Variants in CXCL13 observed in about 807,000 individuals in gnomAD.
CXCL13 encodes C-X-C motif chemokine ligand 13.
Under a neutral mutation model 12.2 loss-of-function variants are expected in CXCL13, and 7 were observed. The observed-to-expected ratio is 0.57, with a 90% CI of 0.33 to 1.07. CXCL13 has a LOEUF of 1.07. Among genes scored for constraint, CXCL13 ranks in the 50% least tolerant of loss-of-function variants. CXCL13 has a pLI of 0.04. For missense variants in CXCL13, 113 were observed against 127.4 expected, an observed-to-expected ratio of 0.89 and a Z score of 0.55; for synonymous variants, 47 against 42.4, an observed-to-expected ratio of 1.11 and a Z score of -0.42.
chr4:77,534,921 C>G (rs976998010), intron 1 of CXCL13, among the ~76,000 whole-genome samples: 2 of 152,194 alleles, frequency 1.3e-5, no homozygotes, highest in African/African-American at 4.8e-5. Context: ...TTTATGGAAA[C>G]AGCAGTAACT....
intron 1 of CXCL13, among the ~76,000 whole-genome samples, chr4:77,544,902 C>T (rs1354645215): frequency 6.6e-6 from 1 of 152,144 alleles, no homozygotes; most frequent in African/African-American, 2.4e-5. Flanking sequence ...AGTCTTTAAT[C>T]CATCTTGAAT....
In CXCL13 at chr4:77,531,610, T is replaced by C. The variant is rs1260007918; in HGVS notation, c.-43+19822T>C. Among the ~76,000 whole-genome samples the C allele has an allele frequency of 2.0e-5, 3 of 152,100 alleles. No individual in the cohort carries two copies. The East Asian group carries it at 5.8e-4, about 29-fold the overall frequency. ...AATTCCTGGATATCCTTGTTAACTT[T>C]CTGTCTCATTGATCTGTCTAATGGT... On this transcript the variant is annotated intron_variant, in intron 1 of 4. Coordinates refer to the CXCL13 transcript ENST00000286758.
At chr4:77,563,120 C>G (rs1047683699) in intron 1 of CXCL13, among the ~76,000 whole-genome samples, 1 of 152,072 alleles carries the variant, frequency 6.6e-6, no homozygotes, top group Admixed American at 6.6e-5. Context: ...GACTAGAAAC[C>G]CACCAGAAGG....
At chr4:77,525,691 G>A (rs1724745387) in intron 1 of CXCL13, among the ~76,000 whole-genome samples, 1 of 152,028 alleles carries the variant, frequency 6.6e-6, no homozygotes, top group African/African-American at 2.4e-5. Flanking sequence ...GAATGACTAA[G>A]TTAAACCTCT....
chr4:77,582,813 C>CA (rs1726371201), intron 1 of CXCL13, among the ~76,000 whole-genome samples: 1 of 152,142 alleles, frequency 6.6e-6, no homozygotes, highest in Non-Finnish European at 1.5e-5. Flanking sequence ...AAGTTATTGA[C>CA]AGAGGGTAGG....
intron 1 of CXCL13, among the ~76,000 whole-genome samples, chr4:77,529,149 G>A (rs1387538763): frequency 1.3e-5 from 2 of 152,088 alleles, no homozygotes; most frequent in African/African-American, 4.8e-5. Flanking sequence ...TCTCTGTTTT[G>A]GTAATAGTAC....
chr4:77,530,681 A>G (rs13131580), intron 1 of CXCL13, among the ~76,000 whole-genome samples: 2 of 151,618 alleles, frequency 1.3e-5, no homozygotes, highest in Non-Finnish European at 2.9e-5. Flanking sequence ...CTTTATTAGT[A>G]TTGCTAATGG....
At chr4:77,535,822 T>C (rs530305198) in intron 1 of CXCL13, among the ~76,000 whole-genome samples, 69 of 152,242 alleles carry the variant, frequency 4.5e-4, no homozygotes, top group Middle Eastern at 3.4e-3. Flanking sequence ...AGCTCCCAGA[T>C]GTAAAGCCAC....
intron 1 of CXCL13, among the ~76,000 whole-genome samples, chr4:77,580,936 C>T (rs1335790094): frequency 1.3e-5 from 2 of 150,432 alleles, no homozygotes; most frequent in African/African-American, 5.0e-5. Context: ...TTCACATTCT[C>T]ACTTCTTTAC....
intron 1 of CXCL13, among the ~76,000 whole-genome samples, chr4:77,565,774 G>A (rs1313120026): frequency 6.6e-6 from 1 of 152,122 alleles, no homozygotes; most frequent in African/African-American, 2.4e-5. Flanking sequence ...TCATGTTACA[G>A]AGGCAATAGG....
intron 1 of CXCL13, among the ~76,000 whole-genome samples, chr4:77,543,197 T>G (rs916256750): frequency 2.0e-5 from 3 of 152,162 alleles, no homozygotes; most frequent in Admixed American, 6.6e-5. Context: ...TTCTGTGAGA[T>G]TGGTTGTAAG....
chr4:77,611,325 T>C lies in CXCL13; in HGVS notation c.*286T>C, dbSNP rs1727147399. On this transcript the variant is annotated 3_prime_UTR_variant, in exon 4 of 4. Transcript: ENST00000682537. ...ATACAGGATTATTTTGATTATATAC[T>C]TGTTGTTTAATGTTTAAAATTTCTT... The C allele has an allele frequency of 8.2e-6, 3 of 366,268 alleles. No homozygotes were observed. Among genetic ancestry groups the C allele is most frequent in the Non-Finnish European group, 1.4e-5 (3 of 207,154 alleles). 22.7% of individuals were successfully genotyped at this position (366,268 alleles called of 1,614,324 possible).
intron 1 of CXCL13, among the ~76,000 whole-genome samples, chr4:77,563,434 A>T (rs1725860845): frequency 6.6e-6 from 1 of 152,200 alleles, no homozygotes; most frequent in Admixed American, 6.5e-5. Context: ...TGCACCTTTT[A>T]TTAATCCCAC....
intron 1 of CXCL13, among the ~76,000 whole-genome samples, chr4:77,586,311 A>C (rs982735312): frequency 7.2e-5 from 11 of 151,948 alleles, no homozygotes; most frequent in African/African-American, 2.4e-4. Flanking sequence ...CACATGTAAA[A>C]AATATTTTTG....
chr4:77,521,153 A>C (rs977053771), intron 1 of CXCL13, among the ~76,000 whole-genome samples: 1 of 152,218 alleles, frequency 6.6e-6, no homozygotes, highest in Admixed American at 6.5e-5. Flanking sequence ...ACGGGTGTTC[A>C]TCAGGGATAT....
Position 77,572,389 on chromosome 4 carries a change from A to G in CXCL13, c.-42-33435A>G, listed in dbSNP as rs181221071. Reference sequence around the variant, plus strand: ...GCACTCCAGCCTGGGTGACAGAGTGAGACCCTGTCTCAAAAAGAAAAAAAA... The same window carrying G: ...GCACTCCAGCCTGGGTGACAGAGTGGGACCCTGTCTCAAAAAGAAAAAAAA... On this transcript the variant is annotated intron_variant, in intron 1 of 4. Transcript: ENST00000286758. 9.1e-4 allele frequency among the ~76,000 whole-genome samples: 139 copies of G among 152,010 alleles called. 3 individuals carry two copies. In the East Asian group the frequency reaches 0.017, roughly 19 times the overall value.
chr4:77,583,815 A>G (rs1726391912), intron 1 of CXCL13, among the ~76,000 whole-genome samples: 1 of 152,214 alleles, frequency 6.6e-6, no homozygotes, highest in Non-Finnish European at 1.5e-5. Context: ...AAGGATAACC[A>G]TCGATCTATA....
At chr4:77,530,022 T>C (rs1226313052) in intron 1 of CXCL13, among the ~76,000 whole-genome samples, 1 of 152,242 alleles carries the variant, frequency 6.6e-6, no homozygotes, top group Non-Finnish European at 1.5e-5. Flanking sequence ...TTCTTGCATC[T>C]ATTGAGATAA....
intron 1 of CXCL13, among the ~76,000 whole-genome samples, chr4:77,533,116 T>C (rs140426665): frequency 6.6e-6 from 1 of 152,162 alleles, no homozygotes; most frequent in Non-Finnish European, 1.5e-5. Flanking sequence ...GGTGCTCTGA[T>C]TTTTAGTTTC....
Sources: allele counts gnomAD v4.1 joint callset (sites outside exome capture counted in the v4.1 genomes callset), GRCh38; gene constraint gnomAD v4.1.1; transcripts MANE v1.5; gene names NCBI Gene and HGNC (gene_info 2026-07-23, HGNC 2026-07-21).